TRNT1: variants seen among roughly 807,000 people sequenced by gnomAD.
TRNT1 encodes the protein CCA tRNA nucleotidyltransferase 1, mitochondrial.
In TRNT1, 44 loss-of-function variants were observed where a neutral mutation model predicts 45.6. The ratio of observed to expected loss-of-function variants is 0.97; its 90% CI spans 0.76 to 1.24. TRNT1 has a LOEUF of 1.24. Ranked by LOEUF, TRNT1 falls within the 50% of genes most tolerant of loss-of-function variation. The probability of loss-of-function intolerance (pLI) is 0.00; values close to 1 mark genes in which losing one functional copy is unlikely to be tolerated. For missense variants in TRNT1, 633 were observed against 504.4 expected (o/e 1.25, Z -2.44); for synonymous variants, 201 against 171.4 (o/e 1.17, Z -1.35).
chr3:3,149,749 G>A (rs1348701702), downstream of TRNT1: 3 of 152,140 alleles, frequency 2.0e-5, no homozygotes, highest in African/African-American at 7.2e-5. Flanking sequence ...ACATAAATAT[G>A]CAGTGTGACA....
chr3:3,152,461 A>G (rs1420696815), downstream of TRNT1: 2 of 1,613,818 alleles, frequency 1.2e-6, no homozygotes, highest in Non-Finnish European at 1.7e-6. Flanking sequence ...ATTACCCAGG[A>G]AACCAGCTGT....
At chr3:3,131,378 A>G (rs1397392640) in intron 2 of TRNT1, 3 of 152,146 alleles carry the variant, frequency 2.0e-5, no homozygotes, top group African/African-American at 7.2e-5. Flanking sequence ...GTCATTCTGC[A>G]TTTTTTGGAA....
At chr3:3,143,972 C>T (rs1258230070) in intron 4 of TRNT1, among the ~76,000 whole-genome samples, 2 of 152,110 alleles carry the variant, frequency 1.3e-5, no homozygotes, top group Admixed American at 6.5e-5. Context: ...TTTATTAGAA[C>T]TTTTATATAT....
intron 2 of TRNT1, among the ~76,000 whole-genome samples, chr3:3,135,450 G>A (rs1242337209): frequency 6.6e-6 from 1 of 152,190 alleles, no homozygotes; most frequent in East Asian, 1.9e-4. Context: ...AGATGGTGGA[G>A]GCTGGATTTA....
At position 3,147,413 on chromosome 3, in the gene TRNT1, C is replaced by A. The variant is rs369244245; in HGVS notation, c.803-37C>A. 5.5e-5 allele frequency: 89 copies of A among 1,603,716 alleles called. No individual in the cohort carries two copies. In the African/African-American group the frequency reaches 1.1e-3, roughly 20 times the overall value. Reference sequence around the variant, plus strand: ...TAGGATATGAGTGGTTTTTTATCCCCACTAAAAACAGGTGAAAAATGCTTT... The same window carrying A: ...TAGGATATGAGTGGTTTTTTATCCCAACTAAAAACAGGTGAAAAATGCTTT... On this transcript the variant is annotated intron_variant, in intron 6 of 7. Coordinates refer to ENST00000251607, the MANE Select transcript of TRNT1 (RefSeq NM_182916.3).
chr3:3,151,684 TA>T (rs1706562566), downstream of TRNT1, among the ~76,000 whole-genome samples: 1 of 152,172 alleles, frequency 6.6e-6, no homozygotes, highest in African/African-American at 2.4e-5. Flanking sequence ...GGGTGCCAAG[TA>T]AGATAGGGCA....
At position 3,147,446 on chromosome 3, in the gene TRNT1, A is replaced by G. The variant is rs1205017417; in HGVS notation, c.803-4A>G. On this transcript the variant is annotated splice_polypyrimidine_tract_variant and splice_region_variant and intron_variant, in intron 6 of 7. Transcript: ENST00000251607. ...ACAGGTGAAAAATGCTTTTGTCCCT[A>G]CAGGTTTACCTGCTAATGCAAGTTT... The G allele has an allele frequency of 7.4e-6, 12 of 1,612,660 alleles. No individual in the cohort carries two copies. Among genetic ancestry groups the G allele is most frequent in the Non-Finnish European group, 1.0e-5 (12 of 1,179,160 alleles).
intron 2 of TRNT1, among the ~76,000 whole-genome samples, chr3:3,134,211 T>A (rs1183534762): frequency 1.3e-5 from 2 of 152,210 alleles, no homozygotes; most frequent in Non-Finnish European, 2.9e-5. Flanking sequence ...CCTCCCTGTT[T>A]CTGTAAGATT....
At chr3:3,128,968 CCTTCACTTTT>C in intron 1 of TRNT1, 36 bp from the exon 2 acceptor site, 2 of 1,389,680 alleles carry the variant, frequency 1.4e-6, no homozygotes, top group Non-Finnish European at 9.8e-7. Flanking sequence ...CCTTCACTTA[CCTTCACTTTT>C]AATTTCATTG....
At chr3:3,151,092 C>G, downstream of TRNT1, 3 of 1,589,538 alleles carry the variant, frequency 1.9e-6, no homozygotes, top group South Asian at 1.1e-5. Context: ...TTTCTGTACT[C>G]CAAGCCTATC....
rs1053055402 is a variant in TRNT1, at chr3:3,148,580, A to G, written c.*426A>G. Reference sequence around the variant, plus strand: ...CTATGATGTGTCAGTTCTTATCTGAATTCCAAAATAAACCTGTGCTTAAAA... The same window carrying G: ...CTATGATGTGTCAGTTCTTATCTGAGTTCCAAAATAAACCTGTGCTTAAAA... On this transcript the variant is annotated 3_prime_UTR_variant, in exon 8 of 8. Coordinates refer to ENST00000251607, the MANE Select transcript of TRNT1 (RefSeq NM_182916.3). 2.0e-5 allele frequency: 3 copies of G among 153,190 alleles called. No individual in the cohort carries two copies. The highest frequency in any genetic ancestry group is 4.4e-5 in the Non-Finnish European group (3 of 68,732). The allele number at this position is 153,190 out of a possible 1,614,324, so 9.5% of individuals were successfully genotyped here.
chr3:3,142,569 C>T (rs1212422695), intron 4 of TRNT1, among the ~76,000 whole-genome samples: 1 of 152,172 alleles, frequency 6.6e-6, no homozygotes, highest in African/African-American at 2.4e-5. Context: ...AAATACACAC[C>T]AGTATGATGC....
At chr3:3,128,621 A>G (rs955998232) in intron 1 of TRNT1, among the ~76,000 whole-genome samples, 6 of 148,154 alleles carry the variant, frequency 4.0e-5, no homozygotes, top group Non-Finnish European at 9.0e-5. Context: ...AAAAAAAAAA[A>G]GAATTCCTTT....
chr3:3,150,908 G>GTGTC, downstream of TRNT1: 1 of 1,613,926 alleles, frequency 6.2e-7, no homozygotes, highest in Non-Finnish European at 8.5e-7. Context: ...TTCATCTTCA[G>GTGTC]TGTCTGGGAT....
At chr3:3,152,467 G>A (rs757588143), downstream of TRNT1, 6 of 1,613,132 alleles carry the variant, frequency 3.7e-6, no homozygotes, top group East Asian at 2.2e-5. Flanking sequence ...CAGGAAACCA[G>A]CTGTGTTCTG....
chr3:3,148,438 A>C lies in TRNT1; in HGVS notation c.*284A>C, dbSNP rs1361798940. The C allele has an allele frequency of 1.6e-5, 4 of 242,498 alleles. No homozygotes were observed. Among genetic ancestry groups the C allele is most frequent in the Non-Finnish European group, 3.2e-5 (4 of 125,062 alleles). The allele number at this position is 242,498 out of a possible 1,614,324, so 15.0% of individuals were successfully genotyped here. ...TCTTAACCTGTTCAGGCTTTTAAAA[A>C]AAACTGTTTTTGCATAGGGTAGTAC... On this transcript the variant is annotated 3_prime_UTR_variant, in exon 8 of 8. Coordinates refer to ENST00000251607, the MANE Select transcript of TRNT1 (RefSeq NM_182916.3).
At chr3:3,130,610 A>G (rs1031698679) in intron 2 of TRNT1, 2 of 152,376 alleles carry the variant, frequency 1.3e-5, no homozygotes, top group African/African-American at 4.8e-5. Flanking sequence ...TTATGAGCCC[A>G]TATGTAATAT....
intron 2 of TRNT1, among the ~76,000 whole-genome samples, chr3:3,132,737 A>AAAC (rs1705088654): frequency 7.5e-6 from 1 of 133,376 alleles, no homozygotes. Flanking sequence ...GAAGGAAAAA[A>AAAC]AAAAAAACAC....
In TRNT1 at chr3:3,146,507, G is replaced by A. The variant is rs773514953; in HGVS notation, c.686G>A (p.Gly229Asp). 5.2e-5 allele frequency: 84 copies of A among 1,613,998 alleles called. 2 individuals carry two copies. The South Asian group carries it at 8.6e-4, about 16-fold the overall frequency. The stretch of plus-strand genomic sequence containing the variant: ...GAAGCAATTGCAGAAAATGCAAAAG[G>A]CTTGGCTGGAATATCAGGAGAAAGG... ...TLEAIAENAK[G>D]LAGISGERIW... The change falls in exon 6 of 8, where the codon GGC (glycine) becomes GAC (aspartate). Residue 229 changes from glycine (G) to aspartate (D), a missense_variant. By Grantham distance (94) the Gly-to-Asp change is moderately conservative (BLOSUM62 -1). Transcript: ENST00000251607.
Sources: allele counts gnomAD v4.1 joint callset (sites outside exome capture counted in the v4.1 genomes callset), GRCh38; gene constraint gnomAD v4.1.1; transcripts MANE v1.5; gene names NCBI Gene and HGNC (gene_info 2026-07-23, HGNC 2026-07-21).